Variants in AAK1 observed in about 807,000 individuals in gnomAD.
AAK1 encodes AP2-associated protein kinase 1.
A neutral mutation model predicts 116.0 loss-of-function variants in AAK1; 37 were observed. The ratio of observed to expected loss-of-function variants is 0.32; its 90% CI spans 0.25 to 0.42. AAK1 has a LOEUF of 0.42. Among genes scored for constraint, AAK1 ranks in the 10% least tolerant of loss-of-function variants. AAK1 has a pLI of 1.00. For synonymous variants in AAK1, 458 were observed against 439.9 expected (o/e 1.04, Z -0.51); for missense variants, 919 against 1,170.6 (o/e 0.79, Z 3.14).
At chr2:69,640,045 ACACACACACTCT>A (rs1331414848) in intron 2 of AAK1, among the ~76,000 whole-genome samples, 3 of 138,854 alleles carry the variant, frequency 2.2e-5, no homozygotes, top group Non-Finnish European at 1.6e-5. Flanking sequence ...ACACACACAC[ACACACACACTCT>A]CTCTCTCTCT....
intron 2 of AAK1, among the ~76,000 whole-genome samples, chr2:69,564,869 G>A (rs981298573): frequency 6.6e-6 from 1 of 152,148 alleles, no homozygotes; most frequent in African/African-American, 2.4e-5. Flanking sequence ...TCAAAGCTTT[G>A]GGGATGATCA....
At position 69,471,650 on chromosome 2, in the gene AAK1, A is replaced by G. The variant is rs1674685198; in HGVS notation, c.*4219T>C. 1.0e-6 allele frequency: 1 copy of G among 985,298 alleles called. No homozygotes were observed. The highest frequency in any genetic ancestry group is 1.2e-6 in the Non-Finnish European group (1 of 829,902). 61.0% of individuals were successfully genotyped at this position (985,298 alleles called of 1,614,324 possible). A position where few individuals can be genotyped will look rare whatever the true frequency, so the allele number is the denominator to read the frequency against. On this transcript the variant is annotated 3_prime_UTR_variant, in exon 22 of 22. Coordinates refer to ENST00000409085, the MANE Select transcript of AAK1 (RefSeq NM_014911.5). ...GATAATCTTGCAGACAGAGAAGGTT[A>G]AGGACTCTGGGAAATCACAGAAAAA...
In AAK1 at chr2:69,473,287, G is replaced by C. The variant is rs1674740837; in HGVS notation, c.*2582C>G. 1 of 978,020 alleles carries C rather than the reference G, an allele frequency of 1.0e-6. No individual in the cohort carries two copies. Among genetic ancestry groups the C allele is most frequent in the Non-Finnish European group, 1.2e-6 (1 of 823,106 alleles). The allele number at this position is 978,020 out of a possible 1,614,324, so 60.6% of individuals were successfully genotyped here. On this transcript the variant is annotated 3_prime_UTR_variant, in exon 22 of 22. Coordinates refer to ENST00000409085, the MANE Select transcript of AAK1 (RefSeq NM_014911.5). ...GTAAAATGAAGAGGATGGTGGACTA[G>C]AGGATGGTCTCAAAGGTCCCTTTGT...
In AAK1 at chr2:69,466,744, C is replaced by T. The variant is rs573388101; in HGVS notation, c.*9125G>A. 2.0e-6 allele frequency: 2 copies of T among 985,366 alleles called. No homozygotes were observed. The highest frequency in any genetic ancestry group is 4.7e-5 in the South Asian group (1 of 21,284). The allele number at this position is 985,366 out of a possible 1,614,324, so 61.0% of individuals were successfully genotyped here. ...TGGAACACAATCAACCACTGTCTCA[C>T]GTTTTGGAACATGATAGGCACGACG... On this transcript the variant is annotated 3_prime_UTR_variant, in exon 22 of 22. Transcript: ENST00000409085.
Position 69,519,180 on chromosome 2 carries a change from G to A in AAK1, c.1271C>T (p.Pro424Leu). ...CTGAGTTTGCGGCAGAGGCTGGCTG[G>A]GTGGGGCTTGGGGTTTTGGTTGGGG... ...SVPQPKPQAP[P>L]SQPLPQTQAK... The change falls in exon 12 of 22, where the codon CCC (proline) becomes CTC (leucine). Residue 424 changes from proline (P) to leucine (L), a missense_variant. By Grantham distance (98) the Pro-to-Leu change is moderately conservative (BLOSUM62 -3). This residue lies in a region of AAK1 where 214 missense variants were observed against 210.6 expected (regional missense o/e 1.02). Transcript: ENST00000409085. 6.3e-7 allele frequency: 1 copy of A among 1,588,696 alleles called. No homozygotes were observed.
At position 69,544,551 on chromosome 2, in the gene AAK1, A is replaced by T. The variant is rs770763553; in HGVS notation, c.283-7T>A. 1.6e-5 allele frequency: 26 copies of T among 1,591,604 alleles called. No individual in the cohort carries two copies. The highest frequency in any genetic ancestry group is 3.3e-5 in the Admixed American group (2 of 59,948). On this transcript the variant is annotated splice_region_variant and splice_polypyrimidine_tract_variant and intron_variant, in intron 3 of 21. Transcript: ENST00000409085. ...TGTGCCCTGAAAGATCCCTCTGTGA[A>T]CAAGAGAGGAGAAATATATTGTTAG...
chr2:69,548,414 C>CTTCTT (rs1196978042), intron 3 of AAK1, among the ~76,000 whole-genome samples: 2 of 152,090 alleles, frequency 1.3e-5, no homozygotes, highest in Admixed American at 1.3e-4. Flanking sequence ...ACAAGCTTTC[C>CTTCTT]TTCTTTTCTT....
At chr2:69,492,801 G>A (rs1333742850) in intron 17 of AAK1, among the ~76,000 whole-genome samples, 3 of 152,042 alleles carry the variant, frequency 2.0e-5, no homozygotes, top group Non-Finnish European at 4.4e-5. Flanking sequence ...TGGTATTACA[G>A]GTGTCAGCTA....
chr2:69,637,701 T>G (rs1357818055), intron 2 of AAK1, among the ~76,000 whole-genome samples: 1 of 152,234 alleles, frequency 6.6e-6, no homozygotes, highest in Non-Finnish European at 1.5e-5. Flanking sequence ...AAGGTGGTAC[T>G]AGTCCCCTTT....
At chr2:69,564,002 G>A (rs1393094078) in intron 2 of AAK1, among the ~76,000 whole-genome samples, 1 of 152,078 alleles carries the variant, frequency 6.6e-6, no homozygotes, top group Non-Finnish European at 1.5e-5. Context: ...GACCGTCCTA[G>A]CTAACATGGT....
At chr2:69,511,720 T>C (rs1489798324) in intron 13 of AAK1, among the ~76,000 whole-genome samples, 1 of 152,244 alleles carries the variant, frequency 6.6e-6, no homozygotes, top group Non-Finnish European at 1.5e-5. Context: ...CAGGGCATTT[T>C]ACATCCGAAG....
intron 16 of AAK1, among the ~76,000 whole-genome samples, chr2:69,505,118 C>T (rs532602619): frequency 3.2e-4 from 39 of 121,696 alleles, no homozygotes; most frequent in African/African-American, 1.1e-3. Context: ...AGCGTGCGTG[C>T]GTGTGCGCAC....
intron 17 of AAK1, among the ~76,000 whole-genome samples, chr2:69,484,993 A>C (rs1675239360): frequency 6.6e-6 from 1 of 152,228 alleles, no homozygotes; most frequent in African/African-American, 2.4e-5. Flanking sequence ...TAATTATATT[A>C]GCATTAACCT....
In AAK1 at chr2:69,623,641, C is replaced by G. The variant is rs900228683; in HGVS notation, c.163+19237G>C. Among the ~76,000 whole-genome samples, 4 of 152,130 alleles carry G rather than the reference C, an allele frequency of 2.6e-5. No homozygotes were observed. The East Asian group carries it at 7.7e-4, about 29-fold the overall frequency. On this transcript the variant is annotated intron_variant, in intron 2 of 21. Coordinates refer to ENST00000409085, the MANE Select transcript of AAK1 (RefSeq NM_014911.5). ...CCAGCATGGGCAATATAGCAAAACCCTGTCTCTACAAGAAAAAAATGTATT... is the reference window on the plus strand; with the variant it reads ...CCAGCATGGGCAATATAGCAAAACCGTGTCTCTACAAGAAAAAAATGTATT...
chr2:69,558,651 T>C (rs1239888793), intron 2 of AAK1, among the ~76,000 whole-genome samples: 1 of 152,226 alleles, frequency 6.6e-6, no homozygotes, highest in Non-Finnish European at 1.5e-5. Flanking sequence ...ATGCCATTCT[T>C]GCACAGAGGT....
chr2:69,481,668 T>C (rs1275624553), intron 18 of AAK1: 2 of 152,250 alleles, frequency 1.3e-5, no homozygotes, highest in African/African-American at 4.8e-5. Flanking sequence ...TTGCAAATCT[T>C]GCCTGCCTTG....
At chr2:69,561,434 T>G (rs1671631086) in intron 2 of AAK1, among the ~76,000 whole-genome samples, 1 of 152,238 alleles carries the variant, frequency 6.6e-6, no homozygotes, top group South Asian at 2.1e-4. Context: ...ATTATTTCAT[T>G]TGTATTCACA....
intron 17 of AAK1, among the ~76,000 whole-genome samples, chr2:69,484,861 T>A (rs757245883): frequency 6.4e-5 from 9 of 140,240 alleles, no homozygotes; most frequent in Non-Finnish European, 1.2e-4. Context: ...GGTGACAGAG[T>A]GAGTCTCAAA....
intron 2 of AAK1, among the ~76,000 whole-genome samples, chr2:69,560,399 T>C (rs938210980): frequency 3.3e-5 from 5 of 152,218 alleles, no homozygotes; most frequent in African/African-American, 1.2e-4. Context: ...CAGCCTGAGT[T>C]GCATCCCAAG....
Sources: gnomAD v4.1 joint callset for allele counts (sites outside exome capture counted in the v4.1 genomes callset) on GRCh38, gnomAD v4.1.1 for gene constraint, gnomAD v4.1.1 regional missense constraint, MANE v1.5 for transcripts, NCBI Gene and HGNC (gene_info 2026-07-23, HGNC 2026-07-21) for gene names.